The following NCAM1 variants were observed in gnomAD, a reference collection of about 807,000 sequenced individuals.
The protein encoded by NCAM1 is neural cell adhesion molecule 1.
A neutral mutation model predicts 109.8 loss-of-function variants in NCAM1; 14 were observed. The observed-to-expected ratio is 0.13, with a 90% CI of 0.08 to 0.20. NCAM1 has a LOEUF of 0.20. Ranked by LOEUF, NCAM1 falls within the 10% of genes least tolerant of loss-of-function variation. NCAM1 has a pLI of 1.00. For synonymous variants in NCAM1, 418 were observed against 442.9 expected, an observed-to-expected ratio of 0.94 and a Z score of 0.70; for missense variants, 774 against 1,109.9, an observed-to-expected ratio of 0.70 and a Z score of 4.30.
intron 1 of NCAM1, among the ~76,000 whole-genome samples, chr11:113,087,044 G>C (rs1021315248): frequency 6.6e-6 from 1 of 152,162 alleles, no homozygotes; most frequent in Non-Finnish European, 1.5e-5. Flanking sequence ...TATATTTTTC[G>C]ACTGAGGCTT....
intron 8 of NCAM1, among the ~76,000 whole-genome samples, chr11:113,218,538 G>A (rs1362430984): frequency 6.6e-6 from 1 of 152,136 alleles, no homozygotes; most frequent in East Asian, 1.9e-4. Flanking sequence ...ACTTTCTAAT[G>A]GAATACCAAT....
intron 1 of NCAM1, among the ~76,000 whole-genome samples, chr11:112,998,319 A>C (rs1555071775): frequency 1.3e-5 from 2 of 152,162 alleles, no homozygotes; most frequent in Non-Finnish European, 2.9e-5. Context: ...CACATGAGGT[A>C]GTGTCTGATT....
At chr11:113,174,893 C>T (rs1401525354) in intron 1 of NCAM1, among the ~76,000 whole-genome samples, 1 of 152,142 alleles carries the variant, frequency 6.6e-6, no homozygotes, top group African/African-American at 2.4e-5. Flanking sequence ...ACTCTCACTC[C>T]AGGCCCACCA....
chr11:113,275,198 G>GCC, intron 19 of NCAM1, 69 bp from the exon 20 acceptor site: 1 of 1,592,712 alleles, frequency 6.3e-7, no homozygotes, highest in East Asian at 2.3e-5. Context: ...TGTCCCCAAG[G>GCC]CCTGGATGCA....
At chr11:113,095,357 A>G (rs950337386) in intron 1 of NCAM1, among the ~76,000 whole-genome samples, 2 of 147,290 alleles carry the variant, frequency 1.4e-5, no homozygotes, top group African/African-American at 2.6e-5. Flanking sequence ...TCTAACTCAT[A>G]GACTGAGCAT....
chr11:113,064,313 G>T (rs1415366622), intron 1 of NCAM1, among the ~76,000 whole-genome samples: 3 of 152,196 alleles, frequency 2.0e-5, no homozygotes, highest in Non-Finnish European at 4.4e-5. Flanking sequence ...GTGCCTCCAG[G>T]CAGGAGTAAC....
At chr11:113,163,604 T>G (rs1487206290) in intron 1 of NCAM1, among the ~76,000 whole-genome samples, 2 of 152,288 alleles carry the variant, frequency 1.3e-5, no homozygotes, top group African/African-American at 4.8e-5. Flanking sequence ...GTGTCCAGCC[T>G]TGTCTCAGAG....
At chr11:113,201,850 A>G (rs1262833602) in intron 1 of NCAM1, among the ~76,000 whole-genome samples, 3 of 152,180 alleles carry the variant, frequency 2.0e-5, no homozygotes, top group Non-Finnish European at 2.9e-5. Flanking sequence ...CCCCACTTCA[A>G]AATCAGTGTG....
rs781792212 is a variant in NCAM1 at position 112,961,558 on chromosome 11, G to GA, written c.-55_-54insA. The GA allele has an allele frequency of 1.8e-6, 2 of 1,129,712 alleles. No homozygotes were observed. The highest frequency in any genetic ancestry group is 2.3e-5 in the East Asian group (1 of 42,598). 70.0% of individuals were successfully genotyped at this position (1,129,712 alleles called of 1,614,324 possible). A position where few individuals can be genotyped will look rare whatever the true frequency, so the allele number is the denominator to read the frequency against. On this transcript the variant is annotated 5_prime_UTR_variant, in exon 1 of 20. Transcript: ENST00000316851. Reference sequence around the variant, plus strand: ...GCCGCCGTCCACACTCGCTGCAGGGGGGGGGGCACAGAATTTACCGCGGCA... The same window carrying GA: ...GCCGCCGTCCACACTCGCTGCAGGGGAGGGGGGCACAGAATTTACCGCGGCA...
At chr11:113,053,199 C>T (rs1403434178) in intron 1 of NCAM1, among the ~76,000 whole-genome samples, 1 of 152,148 alleles carries the variant, frequency 6.6e-6, no homozygotes, top group Non-Finnish European at 1.5e-5. Flanking sequence ...AGGATAATGG[C>T]TTCCAGCTCC....
intron 1 of NCAM1, among the ~76,000 whole-genome samples, chr11:113,117,530 T>C (rs1483743152): frequency 6.6e-6 from 1 of 151,990 alleles, no homozygotes; most frequent in Non-Finnish European, 1.5e-5. Context: ...GCTTTAAACC[T>C]AACCAAAATG....
intron 1 of NCAM1, among the ~76,000 whole-genome samples, chr11:112,978,655 T>C (rs1951070525): frequency 6.6e-6 from 1 of 151,844 alleles, no homozygotes; most frequent in Non-Finnish European, 1.5e-5. Context: ...AACCTCAAAA[T>C]GTACATTAAT....
chr11:113,057,235 G>T (rs2574829), intron 1 of NCAM1, among the ~76,000 whole-genome samples: 4 of 151,814 alleles, frequency 2.6e-5, no homozygotes, highest in Non-Finnish European at 5.9e-5. Flanking sequence ...AACCAGGTGA[G>T]GTGTGAGAGG....
chr11:113,134,887 C>G (rs1343578181), intron 1 of NCAM1, among the ~76,000 whole-genome samples: 4 of 151,974 alleles, frequency 2.6e-5, no homozygotes, highest in African/African-American at 9.7e-5. Context: ...TAATCCATAC[C>G]AAGAAGAAGA....
chr11:113,000,530 A>G (rs1193045777), intron 1 of NCAM1, among the ~76,000 whole-genome samples: 5 of 152,248 alleles, frequency 3.3e-5, no homozygotes, highest in African/African-American at 1.2e-4. Context: ...GGATAACGAG[A>G]TGCAGGCTGT....
At chr11:113,096,005 A>G (rs1939580527) in intron 1 of NCAM1, among the ~76,000 whole-genome samples, 3 of 152,186 alleles carry the variant, frequency 2.0e-5, no homozygotes, top group Non-Finnish European at 4.4e-5. Flanking sequence ...TTTTATTATA[A>G]TTAATTATTG....
At chr11:113,127,921 A>G (rs1941241712) in intron 1 of NCAM1, among the ~76,000 whole-genome samples, 1 of 152,154 alleles carries the variant, frequency 6.6e-6, no homozygotes. Context: ...CCCACAAAGG[A>G]CTGGGCACAG....
intron 1 of NCAM1, among the ~76,000 whole-genome samples, chr11:113,123,462 G>C (rs1020663898): frequency 6.6e-6 from 1 of 152,076 alleles, no homozygotes; most frequent in Non-Finnish European, 1.5e-5. Flanking sequence ...TTTAGTTCTG[G>C]GACACTCTTA....
At chr11:112,989,566 A>G (rs1940716) in intron 1 of NCAM1, among the ~76,000 whole-genome samples, 68,588 of 151,952 alleles carry the variant, frequency 0.45, 16,349 homozygotes, top group East Asian at 0.8. Context: ...ATCTCATTGA[A>G]CTTCATTAAT....
Sources: gnomAD v4.1 joint callset for allele counts (sites outside exome capture counted in the v4.1 genomes callset) on GRCh38, gnomAD v4.1.1 for gene constraint, MANE v1.5 for transcripts, NCBI Gene and HGNC (gene_info 2026-07-23, HGNC 2026-07-21) for gene names.